Variants in NEK1 observed in about 807,000 individuals in gnomAD.
NEK1 encodes the protein NIMA related kinase 1.
In NEK1, 137 loss-of-function variants were observed where a neutral mutation model predicts 182.1. That is an observed-to-expected ratio of 0.75 (90% confidence interval 0.65 to 0.87). The LOEUF (loss-of-function observed/expected upper bound fraction) is 0.87, where lower values mean the gene tolerates loss of function less well. Among genes scored for constraint, NEK1 ranks in the 40% least tolerant of loss-of-function variants. NEK1 has a pLI of 0.00. For synonymous variants in NEK1, 513 were observed against 492.2 expected (o/e 1.04, Z -0.56); for missense variants, 1,391 against 1,494.4 (o/e 0.93, Z 1.14).
At chr4:169,503,384 T>C (rs1188427697) in intron 23 of NEK1, among the ~76,000 whole-genome samples, 2 of 152,024 alleles carry the variant, frequency 1.3e-5, no homozygotes, top group Admixed American at 6.6e-5. Context: ...CTAAAATTCA[T>C]ATAGAACCAC....
intron 35 of NEK1, among the ~76,000 whole-genome samples, chr4:169,395,667 C>T (rs1730562153): frequency 6.6e-6 from 1 of 152,134 alleles, no homozygotes; most frequent in Non-Finnish European, 1.5e-5. Flanking sequence ...CACACATATC[C>T]ATAATATGTA....
At chr4:169,430,143 T>C (rs1339292775) in intron 29 of NEK1, among the ~76,000 whole-genome samples, 1 of 152,124 alleles carries the variant, frequency 6.6e-6, no homozygotes, top group African/African-American at 2.4e-5. Flanking sequence ...ATTTAAAAAA[T>C]AGAAAACACT....
chr4:169,571,397 A>C (rs1764829584), intron 12 of NEK1, among the ~76,000 whole-genome samples: 1 of 152,134 alleles, frequency 6.6e-6, no homozygotes, highest in African/African-American at 2.4e-5. Context: ...ACTGGTAATA[A>C]ACTAATTGAA....
chr4:169,497,575 A>C (rs1233590414), intron 23 of NEK1, among the ~76,000 whole-genome samples: 1 of 152,056 alleles, frequency 6.6e-6, no homozygotes, highest in Admixed American at 6.6e-5. Context: ...CACTGCTTTG[A>C]GTGTGTCCCA....
rs749461218 is a variant in NEK1 at position 169,508,259 on chromosome 4, G to C, written c.1822C>G (p.Arg608Gly). Residue 608 changes from arginine to glycine, a missense_variant, in exon 21 of 36, where the codon CGT becomes GGT. This residue lies in a region of NEK1 where 1,216 missense variants were observed against 1,277.6 expected (regional missense o/e 0.95). Transcript: ENST00000507142. ...NERQQIKAKLRGEKKEANHSE... is the reference protein window; with the variant it reads ...NERQQIKAKLGGEKKEANHSE... Reference sequence around the variant, plus strand: ...GCTTTTCAACCTACCTTTTCACCACGAAGTTTGGCTTTAATCTGTTGGCGC... The same window carrying C: ...GCTTTTCAACCTACCTTTTCACCACCAAGTTTGGCTTTAATCTGTTGGCGC... 5.0e-6 allele frequency: 8 copies of C among 1,588,102 alleles called. No homozygotes were observed. In the East Asian group the frequency reaches 1.1e-4, roughly 23 times the overall value.
At chr4:169,488,756 C>T (rs1204522350) in intron 23 of NEK1, among the ~76,000 whole-genome samples, 3 of 152,034 alleles carry the variant, frequency 2.0e-5, no homozygotes, top group Non-Finnish European at 4.4e-5. Flanking sequence ...TCCTGAGTAA[C>T]GGTCAATGAG....
At chr4:169,576,889 GAATTT>G in intron 12 of NEK1, 34 bp downstream of exon 12, 1 of 1,536,106 alleles carries the variant, frequency 6.5e-7, no homozygotes. Flanking sequence ...AGGTTGAATT[GAATTT>G]GTTATTAACA....
At chr4:169,482,837 A>G (rs1263404674) in intron 23 of NEK1, among the ~76,000 whole-genome samples, 1 of 151,894 alleles carries the variant, frequency 6.6e-6, no homozygotes, top group Non-Finnish European at 1.5e-5. Flanking sequence ...GGGGTTCACT[A>G]TGTTAGCCAG....
intron 35 of NEK1, among the ~76,000 whole-genome samples, chr4:169,394,918 G>T (rs964793170): frequency 5.3e-5 from 8 of 152,148 alleles, no homozygotes; most frequent in Non-Finnish European, 1.0e-4. Flanking sequence ...TTAGAATCTA[G>T]GTGGTGGGTG....
intron 12 of NEK1, among the ~76,000 whole-genome samples, chr4:169,565,976 A>G (rs1436329638): frequency 1.3e-5 from 2 of 152,196 alleles, no homozygotes; most frequent in African/African-American, 4.8e-5. Flanking sequence ...ATCTCAATAA[A>G]GCTATTTTTT....
chr4:169,490,790 G>T (rs1176460463), intron 23 of NEK1, among the ~76,000 whole-genome samples: 1 of 151,964 alleles, frequency 6.6e-6, no homozygotes, highest in African/African-American at 2.4e-5. Context: ...AGTGAAGAAA[G>T]CCTATAGGAA....
At chr4:169,610,016 CTTTTTT>C (rs538596187) in intron 2 of NEK1, among the ~76,000 whole-genome samples, 2 of 135,324 alleles carry the variant, frequency 1.5e-5, no homozygotes, top group African/African-American at 5.5e-5. Context: ...CTAAGAATTT[CTTTTTT>C]TTTTTTTTTT....
intron 23 of NEK1, among the ~76,000 whole-genome samples, chr4:169,488,981 C>G (rs1749555947): frequency 6.6e-6 from 1 of 152,048 alleles, no homozygotes; most frequent in South Asian, 2.1e-4. Context: ...GAAATAAAGG[C>G]CACAAACATT....
At chr4:169,397,017 G>A (rs539411746) in intron 35 of NEK1, among the ~76,000 whole-genome samples, 105 of 152,214 alleles carry the variant, frequency 6.9e-4, no homozygotes, top group African/African-American at 2.5e-3. Context: ...GACAGCTTCA[G>A]GCCAGGAGTT....
chr4:169,596,692 G>C (rs1459084943), intron 5 of NEK1, among the ~76,000 whole-genome samples: 3 of 152,122 alleles, frequency 2.0e-5, no homozygotes, highest in Non-Finnish European at 4.4e-5. Context: ...ATTCTAGAAA[G>C]GGACAAAATC....
chr4:169,579,092 C>T (rs13102088), intron 11 of NEK1, among the ~76,000 whole-genome samples: 6,245 of 152,264 alleles, frequency 0.041, 169 homozygotes, highest in African/African-American at 0.063. Flanking sequence ...TGAACAGTCC[C>T]ATCTACTTTC....
At chr4:169,538,523 G>A (rs1001853629) in intron 18 of NEK1, among the ~76,000 whole-genome samples, 15 of 152,096 alleles carry the variant, frequency 9.9e-5, no homozygotes, top group Admixed American at 8.5e-4. Flanking sequence ...ATGTAAACAT[G>A]CTGATCTTAG....
intron 27 of NEK1, among the ~76,000 whole-genome samples, chr4:169,452,696 C>A (rs546046343): frequency 2.5e-4 from 38 of 152,292 alleles, no homozygotes; most frequent in African/African-American, 8.4e-4. Flanking sequence ...GACAAACCCA[C>A]AGCCAGTATC....
At chr4:169,577,180 G>A in intron 11 of NEK1, 101 bp from the exon 12 acceptor site, 1 of 1,122,362 alleles carries the variant, frequency 8.9e-7, no homozygotes, top group South Asian at 1.5e-5. Context: ...CATAATCATT[G>A]ATAGTATTTT....
Sources: gnomAD v4.1 joint callset for allele counts (sites outside exome capture counted in the v4.1 genomes callset) on GRCh38, gnomAD v4.1.1 for gene constraint, gnomAD v4.1.1 regional missense constraint, MANE v1.5 for transcripts, NCBI Gene and HGNC (gene_info 2026-07-23, HGNC 2026-07-21) for gene names.